The following PIK3C3 variants were observed in gnomAD, a reference collection of about 807,000 sequenced individuals.
PIK3C3 encodes the protein phosphatidylinositol 3-kinase catalytic subunit type 3, also known as PI3-kinase type 3.
A neutral mutation model predicts 126.1 loss-of-function variants in PIK3C3; 95 were observed. The observed-to-expected ratio is 0.75, with a 90% confidence interval of 0.64 to 0.89. The LOEUF is 0.89. Among genes scored for constraint, PIK3C3 ranks in the 40% least tolerant of loss-of-function variants. PIK3C3 has a pLI of 0.00. For synonymous variants in PIK3C3, 374 were observed against 360.0 expected (o/e 1.04, Z -0.44); for missense variants, 829 against 1,063.2 (o/e 0.78, Z 3.06).
intron 4 of PIK3C3, among the ~76,000 whole-genome samples, chr18:41,979,428 T>C (rs1434950197): frequency 6.6e-6 from 1 of 152,174 alleles, no homozygotes; most frequent in Non-Finnish European, 1.5e-5. Flanking sequence ...GATCAGTCAA[T>C]GTTTTGGATT....
intron 15 of PIK3C3, among the ~76,000 whole-genome samples, chr18:42,030,825 T>C (rs551697709): frequency 1.3e-5 from 2 of 152,314 alleles, no homozygotes; most frequent in African/African-American, 4.8e-5. Flanking sequence ...TTGGGGCTTA[T>C]ATTTGAAAGC....
At chr18:41,981,048 G>T (rs1219305843) in intron 4 of PIK3C3, among the ~76,000 whole-genome samples, 1 of 152,072 alleles carries the variant, frequency 6.6e-6, no homozygotes, top group African/African-American at 2.4e-5. Context: ...ATACCTCCTA[G>T]ATATAGGTTT....
intron 11 of PIK3C3, among the ~76,000 whole-genome samples, chr18:42,014,857 A>G (rs1373029194): frequency 6.6e-6 from 1 of 152,136 alleles, no homozygotes; most frequent in Non-Finnish European, 1.5e-5. Flanking sequence ...TTTCTTTCCC[A>G]GGTTACTTTA....
rs141045899 is a variant in PIK3C3, at chr18:41,988,466, A to G, written c.618+568A>G. Reference sequence around the variant, plus strand: ...ACAAGAATAGTTTACTTTTTTGTATATTTGCTCTAAAATGCCAGATGTTAG... The same window carrying G: ...ACAAGAATAGTTTACTTTTTTGTATGTTTGCTCTAAAATGCCAGATGTTAG... On this transcript the variant is annotated intron_variant, in intron 5 of 24. Transcript: ENST00000262039. Among the ~76,000 whole-genome samples the G allele has an allele frequency of 2.4e-4, 36 of 152,240 alleles. No individual in the cohort carries two copies. In the East Asian group the frequency reaches 4.6e-3, roughly 20 times the overall value.
chr18:42,057,097 G>A (rs917787046), intron 21 of PIK3C3, among the ~76,000 whole-genome samples: 8 of 135,376 alleles, frequency 5.9e-5, no homozygotes, highest in African/African-American at 2.0e-4. Flanking sequence ...TCTTAAATAT[G>A]TACAACGTGA....
chr18:42,013,935 G>A (rs1982949029), intron 11 of PIK3C3, among the ~76,000 whole-genome samples: 1 of 152,160 alleles, frequency 6.6e-6, no homozygotes, highest in East Asian at 1.9e-4. Flanking sequence ...TAATCATTAA[G>A]TGAATTAACA....
chr18:42,050,632 CTA>C (rs1568000910), intron 21 of PIK3C3: 1 of 152,152 alleles, frequency 6.6e-6, no homozygotes, highest in East Asian at 1.9e-4. Context: ...TATACTGAAC[CTA>C]TTAGCAAATC....
chr18:42,043,615 A>T (rs1457790198), intron 19 of PIK3C3, 118 bp from the exon 20 acceptor site: 1 of 624,196 alleles, frequency 1.6e-6, no homozygotes. Flanking sequence ...AGCATCTCTC[A>T]TACTGTATTT....
chr18:42,042,481 C>T (rs995153364), intron 19 of PIK3C3, among the ~76,000 whole-genome samples: 1 of 152,150 alleles, frequency 6.6e-6, no homozygotes, highest in Admixed American at 6.5e-5. Flanking sequence ...TTCAAGACAC[C>T]AGTTTTTGCA....
intron 14 of PIK3C3, among the ~76,000 whole-genome samples, chr18:42,029,018 G>A (rs117358762): frequency 0.052 from 7,930 of 152,218 alleles, 264 homozygotes; most frequent in Non-Finnish European, 0.074. Context: ...ATCAAATAAT[G>A]AGTGAATGTA....
At chr18:42,076,181 CAT>C (rs1290461602) in intron 24 of PIK3C3, among the ~76,000 whole-genome samples, 42 of 97,914 alleles carry the variant, frequency 4.3e-4, no homozygotes, top group South Asian at 1.1e-3. Context: ...TATATATGCA[CAT>C]ATATATATGC....
At chr18:42,040,279 G>C (rs368074399) in intron 18 of PIK3C3, among the ~76,000 whole-genome samples, 3 of 150,578 alleles carry the variant, frequency 2.0e-5, no homozygotes, top group African/African-American at 7.4e-5. Context: ...ACAGCTTTTA[G>C]GGTTAGGTAA....
chr18:42,063,649 A>G (rs1265096396), intron 22 of PIK3C3, among the ~76,000 whole-genome samples: 1 of 152,186 alleles, frequency 6.6e-6, no homozygotes, highest in Admixed American at 6.5e-5. Flanking sequence ...TGAAACTTAT[A>G]TGGATAGTCA....
In PIK3C3 at chr18:42,054,142, A is replaced by G. The variant is rs1193118753; in HGVS notation, c.2264-3741A>G. 7.6e-4 allele frequency among the ~76,000 whole-genome samples: 13 copies of G among 17,206 alleles called. 1 individual carries two copies. Among genetic ancestry groups the G allele is most frequent in the South Asian group, 2.2e-3 (2 of 900 alleles). 11.3% of individuals were successfully genotyped at this position (17,206 alleles called of 152,430 possible). A position where few individuals can be genotyped will look rare whatever the true frequency, so the allele number is the denominator to read the frequency against. On this transcript the variant is annotated intron_variant, in intron 21 of 24. Coordinates refer to ENST00000262039, the MANE Select transcript of PIK3C3 (RefSeq NM_002647.4). ...GAACTAATGGTATATATATATATAT[A>G]TATATATATATATATATATATATAT... is the stretch of plus-strand genomic sequence containing the variant.
At chr18:42,076,169 TATATATATGCAC>T (rs1292217898) in intron 24 of PIK3C3, among the ~76,000 whole-genome samples, 4 of 128,788 alleles carry the variant, frequency 3.1e-5, no homozygotes, top group East Asian at 2.5e-4. Context: ...TATGCACATA[TATATATATGCAC>T]ATATATATAT....
intron 24 of PIK3C3, among the ~76,000 whole-genome samples, chr18:42,077,365 A>G (rs1986070289): frequency 6.6e-6 from 1 of 152,224 alleles, no homozygotes; most frequent in Non-Finnish European, 1.5e-5. Flanking sequence ...GCTGTTTGAT[A>G]GCATTTTGCC....
chr18:41,976,906 C>T (rs914294528), intron 4 of PIK3C3, among the ~76,000 whole-genome samples: 1 of 152,144 alleles, frequency 6.6e-6, no homozygotes, highest in Non-Finnish European at 1.5e-5. Flanking sequence ...GAACCAGCAC[C>T]TAAAACCACG....
intron 2 of PIK3C3, among the ~76,000 whole-genome samples, chr18:41,960,578 TA>T (rs1478937713): frequency 1.3e-5 from 2 of 152,048 alleles, no homozygotes; most frequent in East Asian, 3.9e-4. Context: ...AATGTAATCT[TA>T]AGGTTAATGA....
Position 42,082,232 on chromosome 18 carries a change from G to A in PIK3C3, c.*1095G>A, listed in dbSNP as rs1383021032. ...GAAGAAAAAGAATTGTTTTGGTGCT[G>A]AATAAATATTAGAAATCAAGTGACA... On this transcript the variant is annotated 3_prime_UTR_variant, in exon 25 of 25. Coordinates refer to ENST00000262039, the MANE Select transcript of PIK3C3 (RefSeq NM_002647.4). 1 of 152,192 alleles carries A rather than the reference G, an allele frequency of 6.6e-6. No homozygotes were observed. Among genetic ancestry groups the A allele is most frequent in the Non-Finnish European group, 1.5e-5 (1 of 68,032 alleles). 9.4% of individuals were successfully genotyped at this position (152,192 alleles called of 1,614,324 possible).
Sources: gnomAD v4.1 joint callset for allele counts (sites outside exome capture counted in the v4.1 genomes callset) on GRCh38, gnomAD v4.1.1 for gene constraint, MANE v1.5 for transcripts, NCBI Gene and HGNC (gene_info 2026-07-23, HGNC 2026-07-21) for gene names.